The following TMEM63C variants were observed in gnomAD, a reference collection of about 807,000 sequenced individuals.
TMEM63C encodes osmosensitive cation channel TMEM63C.
A neutral mutation model predicts 99.2 loss-of-function variants in TMEM63C; 32 were observed. The observed-to-expected ratio is 0.32, with a 90% CI of 0.24 to 0.43. The LOEUF is 0.43. Among genes scored for constraint, TMEM63C ranks in the 20% least tolerant of loss-of-function variants. The pLI is 1.00. For missense variants in TMEM63C, 826 were observed against 1,053.0 expected, an observed-to-expected ratio of 0.78 and a Z score of 2.98; for synonymous variants, 376 against 397.9, an observed-to-expected ratio of 0.94 and a Z score of 0.66.
At chr14:77,222,001 C>T (rs1022887796) in intron 5 of TMEM63C, among the ~76,000 whole-genome samples, 4 of 152,042 alleles carry the variant, frequency 2.6e-5, no homozygotes, top group Non-Finnish European at 4.4e-5. Flanking sequence ...ATCCCATATC[C>T]TTCCCCTCAC....
Position 77,253,271 on chromosome 14 carries a change from G to C in TMEM63C, c.2149-34G>C, listed in dbSNP as rs778394480. The C allele has an allele frequency of 1.9e-6, 3 of 1,601,830 alleles. No individual in the cohort carries two copies. The African/African-American group carries it at 4.0e-5, about 21-fold the overall frequency. ...ATGAATGGGGAGGGGCAAAGAGCAG[G>C]CCTCCTGTAACCCACCACCTCTCCC... On this transcript the variant is annotated intron_variant, in intron 22 of 23. Transcript: ENST00000298351.
intron 2 of TMEM63C, among the ~76,000 whole-genome samples, chr14:77,216,172 A>T (rs1888583489): frequency 6.6e-6 from 1 of 151,732 alleles, no homozygotes; most frequent in Non-Finnish European, 1.5e-5. Context: ...CACAGTTGTC[A>T]TCTTTCTTGA....
intron 1 of TMEM63C, among the ~76,000 whole-genome samples, chr14:77,200,446 C>T (rs1254509974): frequency 6.6e-6 from 1 of 152,250 alleles, no homozygotes; most frequent in Non-Finnish European, 1.5e-5. Flanking sequence ...CAGGGATTCT[C>T]AGGTCCCTCA....
chr14:77,253,710 G>A (rs1356261574), intron 23 of TMEM63C, among the ~76,000 whole-genome samples: 4 of 152,350 alleles, frequency 2.6e-5, no homozygotes, highest in Admixed American at 2.6e-4. Context: ...ATTGGCCTCG[G>A]GACCAAAGGC....
In TMEM63C at chr14:77,251,807, C is replaced by A. The variant is rs1336703249; in HGVS notation, c.2057C>A (p.Thr686Asn). Residue 686 changes from threonine (T) to asparagine (N), a missense_variant, in exon 22 of 24, where the codon ACC becomes AAC. Thr to Asn is a moderately conservative substitution (Grantham distance 65). Coordinates refer to ENST00000298351, the MANE Select transcript of TMEM63C (RefSeq NM_020431.4). The stretch of plus-strand genomic sequence containing the variant: ...TCGGCAGGTTCTCTCCACGCCATCA[C>A]CATCTTTTCCCTGTCCACCCTCCTC... ...ILRLGSLHAI[T>N]IFSLSTLLIA... The A allele has an allele frequency of 6.2e-7, 1 of 1,613,900 alleles. No homozygotes were observed. The highest frequency in any genetic ancestry group is 8.5e-7 in the Non-Finnish European group (1 of 1,179,888).
chr14:77,253,883 CTG>C (rs1889417186), intron 23 of TMEM63C, among the ~76,000 whole-genome samples: 1 of 134,504 alleles, frequency 7.4e-6, no homozygotes, highest in African/African-American at 3.0e-5. Flanking sequence ...AGGCTGGGTG[CTG>C]TCTCTCACAC....
At chr14:77,219,715 C>G (rs905582158) in intron 4 of TMEM63C, 138 bp downstream of exon 4, 2 of 888,500 alleles carry the variant, frequency 2.3e-6, no homozygotes, top group African/African-American at 3.3e-5. Flanking sequence ...GCTCTGCCCT[C>G]CCTGCAGGAA....
intron 1 of TMEM63C, among the ~76,000 whole-genome samples, chr14:77,207,726 C>T (rs1228760511): frequency 6.6e-6 from 1 of 152,198 alleles, no homozygotes; most frequent in Non-Finnish European, 1.5e-5. Flanking sequence ...AAACGATGTT[C>T]AGTGGGATAG....
At position 77,239,695 on chromosome 14, in the gene TMEM63C, G is replaced by C; in HGVS notation, c.899G>C (p.Cys300Ser). The change falls in exon 12 of 24, where the codon TGC becomes TCC. Residue 300 changes from cysteine to serine, a missense_variant. Coordinates refer to ENST00000298351, the MANE Select transcript of TMEM63C (RefSeq NM_020431.4). ...MIRIHPCARL[C>S]FCKCWTCFKE... ...AGGATCCACCCCTGTGCCCGCCTGT[G>C]CTTCTGCAAGTGCTGGACCTGCTTC... 6.2e-7 allele frequency: 1 copy of C among 1,613,154 alleles called. No individual in the cohort carries two copies. The highest frequency in any genetic ancestry group is 1.6e-4 in the Middle Eastern group (1 of 6,062).
intron 1 of TMEM63C, among the ~76,000 whole-genome samples, chr14:77,205,193 A>G (rs1238042919): frequency 6.6e-6 from 1 of 152,204 alleles, no homozygotes; most frequent in Non-Finnish European, 1.5e-5. Flanking sequence ...GTGAGGGGGA[A>G]GTTTGACATG....
At chr14:77,239,367 C>A in intron 10 of TMEM63C, 45 bp from the exon 11 acceptor site, 1 of 1,603,940 alleles carries the variant, frequency 6.2e-7, no homozygotes, top group Non-Finnish European at 8.5e-7. Context: ...GGCAGCACAT[C>A]CCCAACCCCA....
At chr14:77,198,325 G>T (rs766185703) in intron 1 of TMEM63C, among the ~76,000 whole-genome samples, 1 of 152,372 alleles carries the variant, frequency 6.6e-6, no homozygotes, top group Admixed American at 6.5e-5. Context: ...CCCTCTGGCG[G>T]AAGAGAGGCC....
At chr14:77,188,799 G>C (rs1299590954) in intron 1 of TMEM63C, among the ~76,000 whole-genome samples, 12 of 152,108 alleles carry the variant, frequency 7.9e-5, no homozygotes, top group Admixed American at 7.9e-4. Context: ...CCAGGAGTTT[G>C]AGGTTTCAGT....
At chr14:77,244,515 G>A (rs746721035) in intron 16 of TMEM63C, 60 bp downstream of exon 16, 142 of 1,389,410 alleles carry the variant, frequency 1.0e-4, no homozygotes, top group Non-Finnish European at 1.4e-4. Flanking sequence ...CCCTGCCCTG[G>A]CTTCCCCGCC....
chr14:77,240,446 C>T, intron 12 of TMEM63C, 29 bp from the exon 13 acceptor site: 1 of 1,597,408 alleles, frequency 6.3e-7, no homozygotes, highest in African/African-American at 1.3e-5. Context: ...GGCTCTGGCC[C>T]CAGCCCTGAA....
Position 77,225,455 on chromosome 14 carries a change from C to G in TMEM63C, c.344C>G (p.Thr115Arg). The G allele has an allele frequency of 2.5e-6, 4 of 1,613,308 alleles. No homozygotes were observed. Among genetic ancestry groups the G allele is most frequent in the Non-Finnish European group, 3.4e-6 (4 of 1,179,634 alleles). Residue 115 changes from threonine (T) to arginine (R), a missense_variant, in exon 6 of 24, where the codon ACA becomes AGA. Coordinates refer to ENST00000298351, the MANE Select transcript of TMEM63C (RefSeq NM_020431.4). The part of the protein sequence containing the change: ...GFCSWFFNSI[T>R]MKDEDLINKC... ...TGTTCCTGGTTCTTCAACAGCATAA[C>G]AATGAAGTAAGTGCCCGGGCTCTGT... is the stretch of plus-strand genomic sequence containing the variant.
At chr14:77,204,612 C>T (rs1235838843) in intron 1 of TMEM63C, among the ~76,000 whole-genome samples, 1 of 152,232 alleles carries the variant, frequency 6.6e-6, no homozygotes, top group Non-Finnish European at 1.5e-5. Context: ...TGTCAAGGAG[C>T]TTCCCTTTGC....
At chr14:77,253,205 A>G in intron 22 of TMEM63C, 100 bp from the exon 23 acceptor site, 1 of 1,036,568 alleles carries the variant, frequency 9.6e-7, no homozygotes, top group Non-Finnish European at 1.5e-6. Flanking sequence ...TTGAGTTCCA[A>G]GGTGGTGAGA....
intron 1 of TMEM63C, among the ~76,000 whole-genome samples, chr14:77,212,782 T>C (rs1223248872): frequency 1.3e-5 from 2 of 152,108 alleles, no homozygotes; most frequent in African/African-American, 4.8e-5. Context: ...GCCCTGCAGG[T>C]TGAGCAGCCA....
Sources: gnomAD v4.1 joint callset for allele counts (sites outside exome capture counted in the v4.1 genomes callset) on GRCh38, gnomAD v4.1.1 for gene constraint, MANE v1.5 for transcripts, NCBI Gene and HGNC (gene_info 2026-07-23, HGNC 2026-07-21) for gene names.